The following ABHD2 variants were observed in gnomAD, a reference collection of about 807,000 sequenced individuals.
ABHD2 encodes the protein monoacylglycerol lipase ABHD2.
A neutral mutation model predicts 48.1 loss-of-function variants in ABHD2; 20 were observed. The ratio of observed to expected loss-of-function variants is 0.42; its 90% CI spans 0.29 to 0.60. ABHD2 has a LOEUF of 0.60. Ranked by LOEUF, ABHD2 falls within the 20% of genes least tolerant of loss-of-function variation. ABHD2 has a pLI of 0.24. For synonymous variants in ABHD2, 209 were observed against 214.2 expected (o/e 0.98, Z 0.21); for missense variants, 405 against 550.9 (o/e 0.74, Z 2.65).
At chr15:89,083,003 T>C (rs1369889729), upstream of ABHD2, among the ~76,000 whole-genome samples, 1 of 152,102 alleles carries the variant, frequency 6.6e-6, no homozygotes, top group Non-Finnish European at 1.5e-5. The surrounding 1 kb of genome is among the most constrained non-coding windows in gnomAD (Gnocchi z 5.1). Flanking sequence ...TACAGGCGCC[T>C]GCCACCACGC....
At chr15:89,059,238 GA>G in the ABHD2 span, among the ~76,000 whole-genome samples, 1 of 152,170 alleles carries the variant, frequency 6.6e-6, no homozygotes, top group Admixed American at 6.5e-5. Flanking sequence ...GATCCAGGAA[GA>G]GGGGTACATC....
At chr15:89,047,372 T>C in the ABHD2 span, among the ~76,000 whole-genome samples, 1 of 152,018 alleles carries the variant, frequency 6.6e-6, no homozygotes, top group Non-Finnish European at 1.5e-5. Context: ...ATGTATATTC[T>C]GTTGATTTGG....
intron 3 of ABHD2, among the ~76,000 whole-genome samples, chr15:89,134,947 T>C (rs1434292093): frequency 3.3e-5 from 5 of 152,136 alleles, no homozygotes; most frequent in Non-Finnish European, 7.4e-5. Flanking sequence ...CCTAACATCA[T>C]TGCTTGCCAT....
At position 89,174,230 on chromosome 15, in the gene ABHD2, G is replaced by A. The variant is rs937922480; in HGVS notation, c.539-1582G>A. ...TTGTAAAGGGAAAAAAAGAGCCACCGAACAATGTGTATGTTACCACTGGTA... is the reference window on the plus strand; with the variant it reads ...TTGTAAAGGGAAAAAAAGAGCCACCAAACAATGTGTATGTTACCACTGGTA... On this transcript the variant is annotated intron_variant, in intron 5 of 10. Transcript: ENST00000352732. The surrounding 1 kb of genome is among the most constrained non-coding windows in gnomAD (Gnocchi z 4.1). Among the ~76,000 whole-genome samples the A allele has an allele frequency of 4.6e-5, 7 of 152,144 alleles. No individual in the cohort carries two copies. Among genetic ancestry groups the A allele is most frequent in the South Asian group, 2.1e-4 (1 of 4,834 alleles).
the ABHD2 span, among the ~76,000 whole-genome samples, chr15:89,068,952 A>G: frequency 6.6e-6 from 1 of 150,862 alleles, no homozygotes; most frequent in East Asian, 1.9e-4. Context: ...TATTTTTAGT[A>G]GAAATGGGGT....
Position 89,186,147 on chromosome 15 carries a change from G to C in ABHD2, c.815+631G>C, listed in dbSNP as rs149929460. Among the ~76,000 whole-genome samples the C allele has an allele frequency of 3.2e-4, 48 of 152,276 alleles. No individual in the cohort carries two copies. The highest frequency in any genetic ancestry group is 3.9e-4 in the East Asian group (2 of 5,172). ...TTCCCTGTAGGATGCTTCTGTGCCT[G>C]GGGGATCAGGACTCATTCTTGGCTG... On this transcript the variant is annotated intron_variant, in intron 7 of 10. Transcript: ENST00000352732. The surrounding 1 kb of genome is among the most constrained non-coding windows in gnomAD (Gnocchi z 4.3).
the ABHD2 span, among the ~76,000 whole-genome samples, chr15:89,041,696 C>T: frequency 6.6e-6 from 1 of 152,206 alleles, no homozygotes; most frequent in African/African-American, 2.4e-5. Context: ...TGAGGCAAGG[C>T]GCAACTCTAT....
At chr15:89,165,931 G>A (rs1225672821) in intron 5 of ABHD2, among the ~76,000 whole-genome samples, 3 of 152,166 alleles carry the variant, frequency 2.0e-5, no homozygotes, top group African/African-American at 7.2e-5. Flanking sequence ...CAACAGTCCA[G>A]TATTCATGTT....
intron 1 of ABHD2, among the ~76,000 whole-genome samples, chr15:89,089,344 C>G (rs932875936): frequency 6.6e-6 from 1 of 152,230 alleles, no homozygotes; most frequent in Non-Finnish European, 1.5e-5. Context: ...AAGAGTACTT[C>G]TGGGGGTCCA....
chr15:89,160,518 A>G (rs1221911288), intron 5 of ABHD2, among the ~76,000 whole-genome samples: 2 of 148,644 alleles, frequency 1.3e-5, no homozygotes, highest in Non-Finnish European at 3.0e-5. Flanking sequence ...TTTTCATTTG[A>G]ACCAAAGAAT....
chr15:89,071,022 A>G, the ABHD2 span, among the ~76,000 whole-genome samples: 3 of 151,394 alleles, frequency 2.0e-5, no homozygotes, highest in Non-Finnish European at 4.4e-5. Context: ...TTAAATACTC[A>G]TTGCTCCTCT....
chr15:89,054,603 C>T, the ABHD2 span, among the ~76,000 whole-genome samples: 4 of 152,108 alleles, frequency 2.6e-5, no homozygotes, highest in African/African-American at 9.6e-5. Flanking sequence ...ATCGTTTGAA[C>T]CCAGCAGAGG....
At chr15:89,134,915 A>G (rs192811850) in intron 3 of ABHD2, among the ~76,000 whole-genome samples, 1 of 152,278 alleles carries the variant, frequency 6.6e-6, no homozygotes, top group Non-Finnish European at 1.5e-5. Flanking sequence ...TTTTCATTAA[A>G]TATTTGTAGA....
At chr15:89,077,233 A>T in the ABHD2 span, among the ~76,000 whole-genome samples, 1 of 152,192 alleles carries the variant, frequency 6.6e-6, no homozygotes, top group African/African-American at 2.4e-5. Context: ...AACTTTATAT[A>T]AATAAAATCA....
Position 89,106,352 on chromosome 15 carries a change from AC to A in ABHD2, c.-106-7370del, listed in dbSNP as rs2049785644. On this transcript the variant is annotated intron_variant, in intron 1 of 10. Coordinates refer to ENST00000352732, the MANE Select transcript of ABHD2 (RefSeq NM_152924.5). The surrounding 1 kb of genome is among the most constrained non-coding windows in gnomAD (Gnocchi z 4.2). ...CACCGTGATGACTCCATTCCACAGA[AC>A]CCTCTGTGGGAGGACACGTGGTCCT... The A allele has an allele frequency of 6.6e-6, 1 of 152,128 alleles. No homozygotes were observed. The highest frequency in any genetic ancestry group is 6.6e-5 in the Admixed American group (1 of 15,266). The allele number at this position is 152,128 out of a possible 1,614,324, so 9.4% of individuals were successfully genotyped here. A position where few individuals can be genotyped will look rare whatever the true frequency, so the allele number is the denominator to read the frequency against.
intron 3 of ABHD2, among the ~76,000 whole-genome samples, chr15:89,124,066 A>G (rs1485481086): frequency 1.3e-5 from 2 of 152,234 alleles, no homozygotes; most frequent in Non-Finnish European, 2.9e-5. Flanking sequence ...GTGTACGAAC[A>G]CTATATTTGT....
At chr15:89,079,115 A>G in the ABHD2 span, among the ~76,000 whole-genome samples, 1 of 152,168 alleles carries the variant, frequency 6.6e-6, no homozygotes, top group East Asian at 1.9e-4. This position sits in a 1 kb window ranked among gnomAD's most constrained non-coding sequence, Gnocchi z 4.3. Context: ...CCCAAGACAA[A>G]TGCATATTAG....
rs2049690514 is a variant in ABHD2 at position 89,100,850 on chromosome 15, AG to A, written c.-107+12288del. Among the ~76,000 whole-genome samples, 1 of 152,156 alleles carries A rather than the reference AG, an allele frequency of 6.6e-6. No individual in the cohort carries two copies. Among genetic ancestry groups the A allele is most frequent in the South Asian group, 2.1e-4 (1 of 4,830 alleles). On this transcript the variant is annotated intron_variant, in intron 1 of 10. Transcript: ENST00000352732. This position sits in a 1 kb window ranked among gnomAD's most constrained non-coding sequence, Gnocchi z 4.4. ...GCCATTGCACTCCACCCTGGGCCAC[AG>A]TGAGAGACTCCATCTCAAAAAAAAA...
At chr15:89,098,925 G>A (rs1246681237) in intron 1 of ABHD2, among the ~76,000 whole-genome samples, 2 of 152,210 alleles carry the variant, frequency 1.3e-5, no homozygotes, top group African/African-American at 4.8e-5. Context: ...TGGAGCTTCT[G>A]TAAAGCTGAA....
Sources: allele counts gnomAD v4.1 joint callset (sites outside exome capture counted in the v4.1 genomes callset), GRCh38; gene constraint gnomAD v4.1.1; non-coding constraint Gnocchi (gnomAD v3.1); transcripts MANE v1.5; gene names NCBI Gene and HGNC (gene_info 2026-07-23, HGNC 2026-07-21).